The following CDH18 variants were observed in gnomAD, a reference collection of about 807,000 sequenced individuals.
The protein encoded by CDH18 is cadherin 18.
In CDH18, 31 loss-of-function variants were observed where a neutral mutation model predicts 67.9. The observed-to-expected ratio is 0.46, with a 90% CI of 0.34 to 0.62. CDH18 has a LOEUF of 0.62. Ranked by LOEUF, CDH18 falls within the 20% of genes least tolerant of loss-of-function variation. The pLI is 0.01. For missense variants in CDH18, 890 were observed against 975.5 expected (o/e 0.91, Z 1.17); for synonymous variants, 362 against 347.2 (o/e 1.04, Z -0.48).
intron 1 of CDH18, among the ~76,000 whole-genome samples, chr5:20,263,315 G>T (rs1047368972): frequency 6.6e-6 from 1 of 152,100 alleles, no homozygotes; most frequent in African/African-American, 2.4e-5. Flanking sequence ...AAATGTGATT[G>T]CTTAAAGTTG....
intron 2 of CDH18, among the ~76,000 whole-genome samples, chr5:20,105,418 T>C (rs1746844366): frequency 6.6e-6 from 1 of 152,228 alleles, no homozygotes; most frequent in African/African-American, 2.4e-5. Flanking sequence ...ACACGTAATA[T>C]TTCCAATTTT....
intron 2 of CDH18, among the ~76,000 whole-genome samples, chr5:20,034,374 C>G (rs1012023375): frequency 1.3e-5 from 2 of 151,984 alleles, no homozygotes; most frequent in Non-Finnish European, 2.9e-5. Context: ...ACTTAAATTT[C>G]AAACATACAG....
intron 2 of CDH18, among the ~76,000 whole-genome samples, chr5:19,866,511 A>C (rs1785515881): frequency 6.6e-6 from 1 of 152,176 alleles, no homozygotes. Context: ...GTGCAAAGAC[A>C]AGATGAAGAA....
intron 1 of CDH18, among the ~76,000 whole-genome samples, chr5:20,417,831 C>T (rs377626160): frequency 6.6e-6 from 1 of 152,128 alleles, no homozygotes; most frequent in Non-Finnish European, 1.5e-5. Flanking sequence ...AAATTAGAGA[C>T]AGGTACAAAA....
At chr5:20,557,364 C>T (rs1158264333) in intron 1 of CDH18, among the ~76,000 whole-genome samples, 1 of 151,372 alleles carries the variant, frequency 6.6e-6, no homozygotes, top group African/African-American at 2.4e-5. Flanking sequence ...ACATGGTGTT[C>T]AGATAAAAAT....
intron 1 of CDH18, among the ~76,000 whole-genome samples, chr5:20,497,184 C>T (rs1335985356): frequency 6.6e-6 from 1 of 152,054 alleles, no homozygotes; most frequent in African/African-American, 2.4e-5. Flanking sequence ...TAAGTGAGGG[C>T]TCAGGGAGTA....
chr5:19,776,867 T>C (rs1774446144), intron 3 of CDH18, among the ~76,000 whole-genome samples: 1 of 152,178 alleles, frequency 6.6e-6, no homozygotes, highest in Admixed American at 6.5e-5. Flanking sequence ...AAAGTAGTAA[T>C]AGGGATAAAA....
At position 19,483,443 on chromosome 5, in the gene CDH18, G is replaced by C. The variant is rs1739831052; in HGVS notation, c.1740C>G (p.Ser580Arg). The change falls in exon 12 of 13, where the codon AGC becomes AGG. Residue 580 changes from serine to arginine, a missense_variant. Coordinates refer to ENST00000382275, the MANE Select transcript of CDH18 (RefSeq NM_004934.5). ...AAACCCTGATGGTGAGGGTGCTGCT[G>C]CTGCTGAGAGAGGGGATTCCACCAT... Reference protein sequence around the residue: ...ISDGGIPSLSSSSTLTIRVCA... With the variant: ...ISDGGIPSLSRSSTLTIRVCA... 1 of 1,614,026 alleles carries C rather than the reference G, an allele frequency of 6.2e-7. No individual in the cohort carries two copies. The highest frequency in any genetic ancestry group is 1.3e-5 in the African/African-American group (1 of 74,918).
chr5:19,513,777 G>A (rs1472149547), intron 10 of CDH18, among the ~76,000 whole-genome samples: 1 of 151,682 alleles, frequency 6.6e-6, no homozygotes, highest in Non-Finnish European at 1.5e-5. Context: ...CATGGAACTT[G>A]TTTTTTCATT....
chr5:19,892,319 C>T (rs568893305), intron 2 of CDH18, among the ~76,000 whole-genome samples: 1 of 151,994 alleles, frequency 6.6e-6, no homozygotes, highest in Non-Finnish European at 1.5e-5. Context: ...ATATATGATA[C>T]TCATTACTTT....
At chr5:19,609,787 C>T (rs1477406198) in intron 6 of CDH18, among the ~76,000 whole-genome samples, 1 of 151,932 alleles carries the variant, frequency 6.6e-6, no homozygotes, top group Non-Finnish European at 1.5e-5. Context: ...CTGTAAAAAC[C>T]TCACATTAAG....
intron 5 of CDH18, among the ~76,000 whole-genome samples, chr5:19,667,816 T>C (rs866913116): frequency 5.3e-5 from 8 of 151,898 alleles, no homozygotes; most frequent in African/African-American, 1.9e-4. Flanking sequence ...CCTTCTGATA[T>C]ACCAATGAAG....
intron 1 of CDH18, among the ~76,000 whole-genome samples, chr5:20,366,434 A>G (rs1303010796): frequency 2.6e-5 from 4 of 152,090 alleles, no homozygotes; most frequent in African/African-American, 9.7e-5. Context: ...ATAACTTTTT[A>G]ACCAATTTCT....
At chr5:19,697,278 C>T (rs1458226817) in intron 5 of CDH18, among the ~76,000 whole-genome samples, 1 of 152,094 alleles carries the variant, frequency 6.6e-6, no homozygotes, top group African/African-American at 2.4e-5. Flanking sequence ...AAAATTAAGT[C>T]ATACGGGCTA....
At chr5:19,512,991 T>G (rs2126841223) in intron 10 of CDH18, among the ~76,000 whole-genome samples, 1 of 152,162 alleles carries the variant, frequency 6.6e-6, no homozygotes, top group African/African-American at 2.4e-5. Context: ...TTTCTTAAAT[T>G]TTTAGTAGAA....
At chr5:19,926,818 A>G (rs1369729892) in intron 2 of CDH18, among the ~76,000 whole-genome samples, 1 of 152,118 alleles carries the variant, frequency 6.6e-6, no homozygotes, top group Non-Finnish European at 1.5e-5. Flanking sequence ...TTTCATGCCT[A>G]GAAATAAAAC....
At chr5:19,810,985 T>G (rs1009539622) in intron 3 of CDH18, among the ~76,000 whole-genome samples, 1 of 149,514 alleles carries the variant, frequency 6.7e-6, no homozygotes, top group Non-Finnish European at 1.5e-5. Flanking sequence ...ATCCTGACAC[T>G]GCACTCCAGC....
chr5:20,107,084 C>CTTTT (rs34482408), intron 2 of CDH18, among the ~76,000 whole-genome samples: 1 of 143,480 alleles, frequency 7.0e-6, no homozygotes, highest in Non-Finnish European at 1.5e-5. Context: ...TTATAACTTT[C>CTTTT]TTTTTTTTTT....
intron 5 of CDH18, among the ~76,000 whole-genome samples, chr5:19,679,527 G>C (rs1331702516): frequency 6.6e-6 from 1 of 151,990 alleles, no homozygotes; most frequent in Non-Finnish European, 1.5e-5. Flanking sequence ...TCTCTTTGCA[G>C]ATGATATGAT....
Sources: gnomAD v4.1 joint callset for allele counts (sites outside exome capture counted in the v4.1 genomes callset) on GRCh38, gnomAD v4.1.1 for gene constraint, MANE v1.5 for transcripts, NCBI Gene and HGNC (gene_info 2026-07-23, HGNC 2026-07-21) for gene names.